The following BOLL variants were observed in gnomAD, a reference collection of about 807,000 sequenced individuals.
BOLL encodes protein boule-like.
BOLL carries 23 observed loss-of-function variants against 44.4 expected under a neutral mutation model. That is an observed-to-expected ratio of 0.52 (90% CI 0.37 to 0.73). The LOEUF (loss-of-function observed/expected upper bound fraction) is 0.73, where lower values mean the gene tolerates loss of function less well. Among genes scored for constraint, BOLL ranks in the 30% least tolerant of loss-of-function variants. The pLI, the probability that BOLL is intolerant of heterozygous loss-of-function variation, is 0.00. For missense variants in BOLL, 287 were observed against 338.3 expected (o/e 0.85, Z 1.19); for synonymous variants, 97 against 110.8 (o/e 0.88, Z 0.78).
At chr2:197,762,652 T>C (rs951653200) in intron 7 of BOLL, among the ~76,000 whole-genome samples, 2 of 152,176 alleles carry the variant, frequency 1.3e-5, no homozygotes, top group Admixed American at 1.3e-4. Context: ...TACTGCTGAA[T>C]GACCAGTGGG....
intron 7 of BOLL, among the ~76,000 whole-genome samples, chr2:197,763,492 A>AT (rs2106362276): frequency 6.6e-6 from 1 of 151,508 alleles, no homozygotes; most frequent in African/African-American, 2.4e-5. Flanking sequence ...AAAAAAAAAA[A>AT]AAAAAGAAAG....
chr2:197,756,531 A>G lies in BOLL; in HGVS notation c.626T>C (p.Leu209Ser), dbSNP rs1356604754. 1 of 1,611,562 alleles carries G rather than the reference A, an allele frequency of 6.2e-7. No homozygotes were observed. The highest frequency in any genetic ancestry group is 1.1e-5 in the South Asian group (1 of 90,812). The change falls in exon 9 of 11, where the codon TTA (leucine) becomes TCA (serine). Residue 209 changes from leucine (L) to serine (S), a missense_variant. Coordinates refer to ENST00000392296, the MANE Select transcript of BOLL (RefSeq NM_033030.6). ...PQPSASSAPF[L>S]YLQPSEVIYQ... ...AATAACCTCAGAAGGTTGCAGGTATAAGAATGGAGCAGAAGAGGCAGAAGG... is the reference window on the plus strand; with the variant it reads ...AATAACCTCAGAAGGTTGCAGGTATGAGAATGGAGCAGAAGAGGCAGAAGG...
At chr2:197,754,296 G>C (rs1274553653) in intron 9 of BOLL, among the ~76,000 whole-genome samples, 1 of 151,914 alleles carries the variant, frequency 6.6e-6, no homozygotes, top group African/African-American at 2.4e-5. Flanking sequence ...AAAAAAAAAT[G>C]GTCCTGGGAA....
rs566375903 is a variant in BOLL, at chr2:197,753,612, C to T, written c.729+2816G>A. 1.1e-4 allele frequency among the ~76,000 whole-genome samples: 17 copies of T among 152,172 alleles called. No homozygotes were observed. In the East Asian group the frequency reaches 1.7e-3, roughly 16 times the overall value. ...TACCATCTCACGCCAGTTAGAATGG[C>T]GATCACTAAAAAGTCAGGAAACAAC... is the stretch of plus-strand genomic sequence containing the variant. On this transcript the variant is annotated intron_variant, in intron 9 of 10. Transcript: ENST00000392296.
At chr2:197,728,733 C>A (rs987060947) in intron 10 of BOLL, among the ~76,000 whole-genome samples, 155 bp from the exon 11 acceptor site, 1 of 69,862 alleles carries the variant, frequency 1.4e-5, no homozygotes, top group African/African-American at 1.3e-4. Flanking sequence ...GAGAGGCTAG[C>A]AATTTAGGAG....
intron 7 of BOLL, among the ~76,000 whole-genome samples, chr2:197,764,414 G>A (rs958902304): frequency 6.6e-6 from 1 of 152,116 alleles, no homozygotes; most frequent in Non-Finnish European, 1.5e-5. Flanking sequence ...AGGTCATTAC[G>A]TTAAATGAAA....
At chr2:197,786,074 A>T (rs1690061214), upstream of BOLL, 1 of 1,567,040 alleles carries the variant, frequency 6.4e-7, no homozygotes, top group Non-Finnish European at 8.6e-7. This position sits in a 1 kb window ranked among gnomAD's most constrained non-coding sequence, Gnocchi z 5.9. Context: ...CTTCACGCCA[A>T]GGCAGCAGCG....
rs192013740 is a variant in BOLL at position 197,765,719 on chromosome 2, T to A, written c.552+813A>T. Among the ~76,000 whole-genome samples the A allele has an allele frequency of 5.9e-3, 897 of 152,166 alleles. 13 individuals carry two copies. Among genetic ancestry groups the A allele is most frequent in the African/African-American group, 0.02 (838 of 41,486 alleles). On this transcript the variant is annotated intron_variant, in intron 7 of 10. Transcript: ENST00000392296. Reference sequence around the variant, plus strand: ...ATTTTACTTATTTTTAAAACTTTTATTTTAGGTTCAGGGGTACATGTGAAG... The same window carrying A: ...ATTTTACTTATTTTTAAAACTTTTAATTTAGGTTCAGGGGTACATGTGAAG...
At chr2:197,776,812 A>G (rs1224494360) in intron 4 of BOLL, among the ~76,000 whole-genome samples, 1 of 151,942 alleles carries the variant, frequency 6.6e-6, no homozygotes, top group Non-Finnish European at 1.5e-5. Flanking sequence ...AACACTTCGC[A>G]AAAGATATAT....
chr2:197,747,507 C>G (rs1036807330), intron 9 of BOLL, among the ~76,000 whole-genome samples: 1 of 143,984 alleles, frequency 6.9e-6, no homozygotes, highest in African/African-American at 2.6e-5. Flanking sequence ...CACTTGAACC[C>G]AGGAGGCAGA....
chr2:197,731,993 A>C (rs1429330315), intron 10 of BOLL, among the ~76,000 whole-genome samples: 1 of 150,926 alleles, frequency 6.6e-6, no homozygotes, highest in South Asian at 2.1e-4. Context: ...GACACAAAAA[A>C]CCCTTCAAAA....
chr2:197,729,007 G>A (rs532911730), intron 10 of BOLL, among the ~76,000 whole-genome samples: 3 of 152,214 alleles, frequency 2.0e-5, no homozygotes, highest in Admixed American at 6.5e-5. Flanking sequence ...CCGGTCTACA[G>A]CTCCCAGCGT....
intron 10 of BOLL, among the ~76,000 whole-genome samples, chr2:197,738,120 A>G (rs1470395880): frequency 1.3e-5 from 2 of 152,200 alleles, no homozygotes; most frequent in Non-Finnish European, 2.9e-5. Context: ...TATTTATCTT[A>G]GAAACATAAT....
chr2:197,784,760 C>T, intron 1 of BOLL: 2 of 987,528 alleles, frequency 2.0e-6, no homozygotes, highest in African/African-American at 3.5e-5. Context: ...AATAGCAAGG[C>T]TCAGGTGGAG....
At chr2:197,754,254 C>T (rs1688397575) in intron 9 of BOLL, among the ~76,000 whole-genome samples, 1 of 152,016 alleles carries the variant, frequency 6.6e-6, no homozygotes, top group African/African-American at 2.4e-5. Context: ...CCTGCACGTT[C>T]TGCATATGTA....
upstream of BOLL, among the ~76,000 whole-genome samples, chr2:197,785,652 C>T (rs1030213462): frequency 2.2e-4 from 34 of 152,306 alleles, no homozygotes; most frequent in African/African-American, 7.9e-4. This position sits in a 1 kb window ranked among gnomAD's most constrained non-coding sequence, Gnocchi z 6.7. Context: ...AGCCCAATTT[C>T]GGCGGGAAAG....
chr2:197,735,811 GAT>G (rs1687457760), intron 10 of BOLL, among the ~76,000 whole-genome samples: 1 of 152,108 alleles, frequency 6.6e-6, no homozygotes, highest in African/African-American at 2.4e-5. Context: ...TAGTTTCTTT[GAT>G]ATTTTCTTCT....
chr2:197,753,216 G>A (rs1360678273), intron 9 of BOLL, among the ~76,000 whole-genome samples: 1 of 152,142 alleles, frequency 6.6e-6, no homozygotes, highest in African/African-American at 2.4e-5. Flanking sequence ...AGAAAACCTA[G>A]GCAATACCAT....
chr2:197,732,490 A>G (rs2106310443), intron 10 of BOLL, among the ~76,000 whole-genome samples: 2 of 152,132 alleles, frequency 1.3e-5, no homozygotes, highest in Admixed American at 6.5e-5. Flanking sequence ...TACCAAAGCC[A>G]GGAAGAGACA....
Sources: gnomAD v4.1 joint callset for allele counts (sites outside exome capture counted in the v4.1 genomes callset) on GRCh38, gnomAD v4.1.1 for gene constraint, Gnocchi (gnomAD v3.1) non-coding constraint, MANE v1.5 for transcripts, NCBI Gene and HGNC (gene_info 2026-07-23, HGNC 2026-07-21) for gene names.